The following LRBA variants were observed in gnomAD, a reference collection of about 807,000 sequenced individuals.
LRBA encodes LPS responsive beige-like anchor protein, also known as lipopolysaccharide-responsive and beige-like anchor protein.
A neutral mutation model predicts 330.0 loss-of-function variants in LRBA; 176 were observed. The observed-to-expected ratio is 0.53, with a 90% CI of 0.47 to 0.60. The LOEUF is 0.60. LRBA is among the 20% of genes least tolerant of loss of function. The pLI is 0.00. For synonymous variants in LRBA, 1,230 were observed against 1,193.0 expected, an observed-to-expected ratio of 1.03 and a Z score of -0.64; for missense variants, 3,259 against 3,444.8, an observed-to-expected ratio of 0.95 and a Z score of 1.35.
chr4:150,712,239 T>C (rs1180475731), intron 36 of LRBA, among the ~76,000 whole-genome samples: 1 of 152,224 alleles, frequency 6.6e-6, no homozygotes, highest in Non-Finnish European at 1.5e-5. Context: ...AATCAATGTA[T>C]ACCTGACCCA....
intron 48 of LRBA, among the ~76,000 whole-genome samples, chr4:150,334,081 G>A (rs1389614663): frequency 1.3e-5 from 2 of 152,176 alleles, no homozygotes; most frequent in East Asian, 3.9e-4. Flanking sequence ...AGTTGTCAGA[G>A]CAATAAATTC....
intron 52 of LRBA, 94 bp downstream of exon 52, chr4:150,310,135 A>G: frequency 1.2e-6 from 1 of 838,090 alleles, no homozygotes; most frequent in South Asian, 1.8e-5. Flanking sequence ...AGGATTTTGT[A>G]ATTTTTGGAA....
At chr4:150,596,092 T>C (rs566777017) in intron 38 of LRBA, among the ~76,000 whole-genome samples, 104 of 151,970 alleles carry the variant, frequency 6.8e-4, no homozygotes, top group Non-Finnish European at 9.7e-4. Context: ...CATTACAGCA[T>C]GACTTTTATA....
chr4:150,583,456 T>G lies in LRBA; in HGVS notation c.6330+4592A>C. The G allele has an allele frequency of 6.2e-7, 1 of 1,613,848 alleles. No homozygotes were observed. The highest frequency in any genetic ancestry group is 8.5e-7 in the Non-Finnish European group (1 of 1,180,018). On this transcript the variant is annotated intron_variant, in intron 40 of 56. Coordinates refer to ENST00000651943, the MANE Select transcript of LRBA (RefSeq NM_001364905.1). This position sits in a 1 kb window ranked among gnomAD's most constrained non-coding sequence, Gnocchi z 9.8. ...GCTGGTGGCCCAGGCGGTGGACAAG[T>G]GCAGCTATCGGGATGTGGTCAAGAT...
At chr4:150,643,369 C>T (rs186495182) in intron 37 of LRBA, among the ~76,000 whole-genome samples, 29 of 151,772 alleles carry the variant, frequency 1.9e-4, no homozygotes, top group African/African-American at 6.8e-4. Flanking sequence ...ATAACTTTAC[C>T]ATGTTAATGC....
chr4:150,877,022 G>C (rs1164068525), intron 17 of LRBA, among the ~76,000 whole-genome samples: 1 of 152,092 alleles, frequency 6.6e-6, no homozygotes, highest in East Asian at 1.9e-4. Flanking sequence ...GGGAGGCCGA[G>C]GCAGGAGGAT....
chr4:150,917,789 C>T (rs961582206), intron 5 of LRBA, among the ~76,000 whole-genome samples: 3 of 151,804 alleles, frequency 2.0e-5, no homozygotes, highest in Non-Finnish European at 4.4e-5. Flanking sequence ...ATTAGCCATG[C>T]GTGGTGGTGG....
intron 29 of LRBA, among the ~76,000 whole-genome samples, chr4:150,829,187 C>T (rs1030829341): frequency 1.1e-4 from 16 of 152,090 alleles, no homozygotes; most frequent in African/African-American, 2.2e-4. Flanking sequence ...CTACCTGCCT[C>T]GGCCTCCCAA....
At chr4:150,983,402 C>A (rs1741073446) in intron 2 of LRBA, among the ~76,000 whole-genome samples, 1 of 150,624 alleles carries the variant, frequency 6.6e-6, no homozygotes, top group Non-Finnish European at 1.5e-5. Flanking sequence ...CTGCAGTGAG[C>A]TGTGTTCATG....
intron 40 of LRBA, among the ~76,000 whole-genome samples, chr4:150,518,660 A>T (rs1762614701): frequency 6.6e-6 from 1 of 152,120 alleles, no homozygotes; most frequent in South Asian, 2.1e-4. Context: ...AACCCTTTGA[A>T]TTTTAAATGT....
rs965270231 is a variant in LRBA at position 150,912,407 on chromosome 4, T to C, written c.1161+1788A>G. Among the ~76,000 whole-genome samples, 10 of 152,350 alleles carry C rather than the reference T, an allele frequency of 6.6e-5. No individual in the cohort carries two copies. In the East Asian group the frequency reaches 1.7e-3, roughly 26 times the overall value. On this transcript the variant is annotated intron_variant, in intron 9 of 56. Coordinates refer to ENST00000651943, the MANE Select transcript of LRBA (RefSeq NM_001364905.1). The stretch of plus-strand genomic sequence containing the variant: ...TTGTGTGCTCCTTATGAGAATATAA[T>C]ACCTGATAATCTGTCACTGTCTCCC...
intron 34 of LRBA, among the ~76,000 whole-genome samples, chr4:150,788,349 A>T (rs1578784555): frequency 7.0e-6 from 1 of 142,730 alleles, no homozygotes; most frequent in Middle Eastern, 3.6e-3. Context: ...CCATCCACCT[A>T]CTCCTCCCAA....
At chr4:151,002,980 C>T (rs1435209360) in intron 2 of LRBA, among the ~76,000 whole-genome samples, 2 of 152,008 alleles carry the variant, frequency 1.3e-5, no homozygotes, top group African/African-American at 4.8e-5. Context: ...CACTACTGCA[C>T]TCCAGCCTGG....
chr4:150,634,344 C>T (rs571731014), intron 37 of LRBA, among the ~76,000 whole-genome samples: 1 of 152,146 alleles, frequency 6.6e-6, no homozygotes, highest in East Asian at 1.9e-4. Context: ...TCTATGTAAA[C>T]TGGGAACATG....
chr4:150,297,510 T>C (rs1423710575), intron 53 of LRBA, among the ~76,000 whole-genome samples: 2 of 152,104 alleles, frequency 1.3e-5, no homozygotes. Flanking sequence ...AAAATAAAAA[T>C]ACAGGGTAGC....
chr4:150,619,428 A>C (rs965655605), intron 37 of LRBA, among the ~76,000 whole-genome samples: 20 of 152,202 alleles, frequency 1.3e-4, no homozygotes, highest in African/African-American at 4.8e-4. Context: ...CAAATTACTT[A>C]GAAAACATTT....
chr4:150,399,496 G>A (rs763984568), intron 47 of LRBA, among the ~76,000 whole-genome samples: 17 of 152,034 alleles, frequency 1.1e-4, no homozygotes, highest in Admixed American at 3.9e-4. Flanking sequence ...CTACAGTTGC[G>A]AAAACAAAGA....
intron 55 of LRBA, among the ~76,000 whole-genome samples, chr4:150,280,662 G>C (rs1018374004): frequency 6.6e-6 from 1 of 152,234 alleles, no homozygotes; most frequent in African/African-American, 2.4e-5. Context: ...GTATTTCACA[G>C]AAACTTAATT....
intron 37 of LRBA, chr4:150,679,496 T>C (rs947307482): frequency 2.0e-5 from 3 of 152,270 alleles, no homozygotes; most frequent in Non-Finnish European, 1.5e-5. Context: ...TTTTTTTTTA[T>C]AACACTCCAA....
Sources: allele counts gnomAD v4.1 joint callset (sites outside exome capture counted in the v4.1 genomes callset), GRCh38; gene constraint gnomAD v4.1.1; non-coding constraint Gnocchi (gnomAD v3.1); transcripts MANE v1.5; gene names NCBI Gene and HGNC (gene_info 2026-07-23, HGNC 2026-07-21).